GLI2: variants seen among roughly 807,000 people sequenced by gnomAD.
The protein encoded by GLI2 is transcription activator GLI2.
Under a neutral mutation model 78.9 loss-of-function variants are expected in GLI2, and 22 were observed. The observed-to-expected ratio is 0.28, with a 90% confidence interval of 0.20 to 0.40. The LOEUF (loss-of-function observed/expected upper bound fraction) is 0.40, where lower values mean the gene tolerates loss of function less well. Ranked by LOEUF, GLI2 falls within the 10% of genes least tolerant of loss-of-function variation. GLI2 has a pLI of 1.00. For missense variants in GLI2, 2,097 were observed against 2,213.2 expected, an observed-to-expected ratio of 0.95 and a Z score of 1.05; for synonymous variants, 974 against 963.7, an observed-to-expected ratio of 1.01 and a Z score of -0.20.
At chr2:120,928,685 C>CT (rs754407033) in intron 3 of GLI2, among the ~76,000 whole-genome samples, 3 of 152,228 alleles carry the variant, frequency 2.0e-5, no homozygotes, top group Non-Finnish European at 4.4e-5. Context: ...CAGCAGAGTC[C>CT]TGTTTCCGGA....
intron 2 of GLI2, chr2:120,866,825 C>T (rs1688157267): frequency 6.6e-6 from 1 of 152,224 alleles, no homozygotes; most frequent in African/African-American, 2.4e-5. Flanking sequence ...GTGTGATTTT[C>T]CACAGCTTGA....
Position 120,891,176 on chromosome 2 carries a change from G to A in GLI2, c.149-36185G>A, listed in dbSNP as rs143058524. Reference sequence around the variant, plus strand: ...CCACACAGGAAGGTGCTATGGGAGAGTAGCAGGCACCCCTCACCCAGGAGT... The same window carrying A: ...CCACACAGGAAGGTGCTATGGGAGAATAGCAGGCACCCCTCACCCAGGAGT... On this transcript the variant is annotated intron_variant, in intron 2 of 13. Transcript: ENST00000361492. Among the ~76,000 whole-genome samples, 3 of 152,290 alleles carry A rather than the reference G, an allele frequency of 2.0e-5. No homozygotes were observed. In the East Asian group the frequency reaches 5.8e-4, roughly 30 times the overall value.
At chr2:120,809,258 G>A (rs1007060683) in intron 2 of GLI2, among the ~76,000 whole-genome samples, 18 of 152,124 alleles carry the variant, frequency 1.2e-4, no homozygotes, top group African/African-American at 2.2e-4. Context: ...GAAAGAAGCC[G>A]GGCATAAAAG....
At chr2:120,777,147 C>G (rs1313709315) in intron 1 of GLI2, among the ~76,000 whole-genome samples, 1 of 152,100 alleles carries the variant, frequency 6.6e-6, no homozygotes, top group Non-Finnish European at 1.5e-5. Context: ...GAGTGGGAAC[C>G]AGCGTGTGTC....
At chr2:120,738,052 G>A (rs1379783067) in intron 1 of GLI2, among the ~76,000 whole-genome samples, 1 of 152,208 alleles carries the variant, frequency 6.6e-6, no homozygotes, top group Non-Finnish European at 1.5e-5. Context: ...GCCTGGGAAC[G>A]GCTTTGCAGT....
chr2:120,928,246 C>T (rs1382000970), intron 3 of GLI2, among the ~76,000 whole-genome samples: 2 of 152,132 alleles, frequency 1.3e-5, no homozygotes, highest in African/African-American at 2.4e-5. Flanking sequence ...ATGCCCACAC[C>T]CTCCAGCCCC....
At chr2:120,790,226 A>G (rs12999115) in intron 1 of GLI2, among the ~76,000 whole-genome samples, 20,927 of 152,210 alleles carry the variant, frequency 0.14, 1,499 homozygotes, top group Middle Eastern at 0.22. Flanking sequence ...ATAGAGAAAC[A>G]GGGGGGTCTG....
At chr2:120,839,324 T>C (rs1686757455) in intron 2 of GLI2, among the ~76,000 whole-genome samples, 1 of 152,216 alleles carries the variant, frequency 6.6e-6, no homozygotes, top group Non-Finnish European at 1.5e-5. Context: ...GTTGGTTTCT[T>C]AACGTTTTTT....
At chr2:120,797,564 C>T in intron 2 of GLI2, 96 bp downstream of exon 2, 3 of 1,228,524 alleles carry the variant, frequency 2.4e-6, no homozygotes, top group Admixed American at 1.8e-5. Context: ...GTCAGGGAGG[C>T]ATGCTGGGTT....
intron 2 of GLI2, among the ~76,000 whole-genome samples, chr2:120,826,749 C>T (rs1379672845): frequency 2.6e-5 from 4 of 152,166 alleles, no homozygotes; most frequent in Admixed American, 2.0e-4. Flanking sequence ...GCCTCTTGAC[C>T]CCAGGCCTTT....
At chr2:120,950,837 C>T (rs540109298) in intron 3 of GLI2, among the ~76,000 whole-genome samples, 3 of 152,268 alleles carry the variant, frequency 2.0e-5, no homozygotes, top group South Asian at 2.1e-4. Context: ...CCGTGGTATT[C>T]GTATTTTCAT....
intron 2 of GLI2, among the ~76,000 whole-genome samples, chr2:120,908,334 A>C (rs1678647279): frequency 6.6e-6 from 1 of 152,184 alleles, no homozygotes; most frequent in Non-Finnish European, 1.5e-5. Flanking sequence ...ATTTGTGCAC[A>C]CTTGGGTAGA....
intron 1 of GLI2, among the ~76,000 whole-genome samples, chr2:120,767,778 G>A (rs893145325): frequency 3.2e-4 from 48 of 152,360 alleles, no homozygotes; most frequent in Admixed American, 1.4e-3. Context: ...CAGCAAGCCG[G>A]CTGTGTGACC....
chr2:120,772,898 C>A (rs1683564313), intron 1 of GLI2, among the ~76,000 whole-genome samples: 1 of 152,200 alleles, frequency 6.6e-6, no homozygotes. Context: ...GTTTCAAATT[C>A]TTGGGTACCC....
intron 2 of GLI2, among the ~76,000 whole-genome samples, chr2:120,881,838 A>AG (rs569590412): frequency 0.99 from 94,304 of 94,862 alleles, 46,885 homozygotes; most frequent in Non-Finnish European, 0.99. Context: ...GTAGAGGGCA[A>AG]GACAGGTGGG....
intron 2 of GLI2, among the ~76,000 whole-genome samples, chr2:120,813,649 A>G (rs1045794488): frequency 6.6e-6 from 1 of 152,116 alleles, no homozygotes; most frequent in Admixed American, 6.6e-5. Context: ...CCAGATCCCC[A>G]GGTCCCCCAC....
rs1331145718 is a variant in GLI2 at position 120,991,391 on chromosome 2, G to GA, written c.*722dup. The GA allele has an allele frequency of 2.0e-5, 3 of 152,656 alleles. No individual in the cohort carries two copies. Among genetic ancestry groups the GA allele is most frequent in the Admixed American group, 6.5e-5 (1 of 15,282 alleles). The allele number at this position is 152,656 out of a possible 1,614,324, so 9.5% of individuals were successfully genotyped here. On this transcript the variant is annotated 3_prime_UTR_variant, in exon 14 of 14. Coordinates refer to ENST00000361492, the MANE Select transcript of GLI2 (RefSeq NM_001374353.1). ...TGTAAGTATCACCAGAAAAAGGAAA[G>GA]AAAAAATGTACTCCTTGGGGCAAGC...
intron 1 of GLI2, among the ~76,000 whole-genome samples, chr2:120,761,294 A>G (rs1683204655): frequency 6.6e-6 from 1 of 152,106 alleles, no homozygotes; most frequent in South Asian, 2.1e-4. Context: ...AGTGGAGAGA[A>G]GAACCGGGAA....
rs907393114 is a variant in GLI2 at position 120,990,958 on chromosome 2, G to A, written c.*283G>A. Reference sequence around the variant, plus strand: ...TCCAGCCTTTGGTGCTTACAGGACCGCGCTGTTCCGGCTTCTTCACGGCTG... The same window carrying A: ...TCCAGCCTTTGGTGCTTACAGGACCACGCTGTTCCGGCTTCTTCACGGCTG... On this transcript the variant is annotated 3_prime_UTR_variant, in exon 14 of 14. Coordinates refer to ENST00000361492, the MANE Select transcript of GLI2 (RefSeq NM_001374353.1). 8 of 431,824 alleles carry A rather than the reference G, an allele frequency of 1.9e-5. No individual in the cohort carries two copies. The highest frequency in any genetic ancestry group is 1.2e-4 in the East Asian group (3 of 25,638). 26.7% of individuals were successfully genotyped at this position (431,824 alleles called of 1,614,324 possible).
Sources: allele counts gnomAD v4.1 joint callset (sites outside exome capture counted in the v4.1 genomes callset), GRCh38; gene constraint gnomAD v4.1.1; transcripts MANE v1.5; gene names NCBI Gene and HGNC (gene_info 2026-07-23, HGNC 2026-07-21).